KLF3: variants seen among roughly 807,000 people sequenced by gnomAD.
The protein encoded by KLF3 is Krueppel-like factor 3.
A neutral mutation model predicts 32.7 loss-of-function variants in KLF3; 6 were observed. The observed-to-expected ratio is 0.18, with a 90% CI of 0.10 to 0.36. The LOEUF (loss-of-function observed/expected upper bound fraction) is 0.36. Ranked by LOEUF, KLF3 falls within the 10% of genes least tolerant of loss-of-function variation. The pLI, the probability that KLF3 is intolerant of heterozygous loss-of-function variation, is 1.00. For missense variants in KLF3, 338 were observed against 449.7 expected (o/e 0.75, Z 2.25); for synonymous variants, 145 against 172.8 (o/e 0.84, Z 1.26).
chr4:38,672,183 C>T (rs767293963), intron 1 of KLF3, among the ~76,000 whole-genome samples: 2 of 152,186 alleles, frequency 1.3e-5, no homozygotes, highest in Middle Eastern at 3.2e-3. Flanking sequence ...ATTTCAAGTG[C>T]ATTCAGAGGG....
rs972921361 is a variant in KLF3, at chr4:38,700,389, A to G, written c.*3126A>G. On this transcript the variant is annotated 3_prime_UTR_variant, in exon 6 of 6. Transcript: ENST00000261438. ...TCCTGATTAGATTGTTGTAAAGACA[A>G]TCTGAAAGATCTAAGGTTTTAAAAT... is the stretch of plus-strand genomic sequence containing the variant. 1.3e-5 allele frequency: 2 copies of G among 152,230 alleles called. No homozygotes were observed. The highest frequency in any genetic ancestry group is 6.5e-5 in the Admixed American group (1 of 15,286). The allele number at this position is 152,230 out of a possible 1,614,324, so 9.4% of individuals were successfully genotyped here.
At position 38,700,276 on chromosome 4, in the gene KLF3, TTTA is replaced by T. The variant is rs1168673828; in HGVS notation, c.*3017_*3019del. On this transcript the variant is annotated 3_prime_UTR_variant, in exon 6 of 6. Coordinates refer to ENST00000261438, the MANE Select transcript of KLF3 (RefSeq NM_016531.6). ...GGGAACTATATATGTATATGTATATTTTATTAAACACCCATCTGCACTATCAGT... is the reference window on the plus strand; with the variant it reads ...GGGAACTATATATGTATATGTATATTTTAAACACCCATCTGCACTATCAGT... The T allele has an allele frequency of 3.3e-5, 5 of 152,214 alleles. No homozygotes were observed. The highest frequency in any genetic ancestry group is 1.2e-4 in the African/African-American group (5 of 41,454). 9.4% of individuals were successfully genotyped at this position (152,214 alleles called of 1,614,324 possible).
intron 2 of KLF3, among the ~76,000 whole-genome samples, chr4:38,684,479 C>T (rs371664864): frequency 9.3e-5 from 14 of 149,862 alleles, no homozygotes; most frequent in South Asian, 2.1e-4. Flanking sequence ...ATGTTACAGA[C>T]GGAAATAACT....
At chr4:38,664,804 C>T (rs1239642832) in intron 1 of KLF3, 4 of 152,050 alleles carry the variant, frequency 2.6e-5, no homozygotes, top group South Asian at 2.1e-4. Flanking sequence ...CTGTGTGGTC[C>T]CCGGCCTCCT....
At chr4:38,672,248 C>G (rs1722217898) in intron 1 of KLF3, among the ~76,000 whole-genome samples, 1 of 152,188 alleles carries the variant, frequency 6.6e-6, no homozygotes, top group Non-Finnish European at 1.5e-5. Flanking sequence ...TATGTTAGCT[C>G]CTTAGGCTTG....
At chr4:38,693,814 C>G (rs1172657563) in intron 4 of KLF3, among the ~76,000 whole-genome samples, 1 of 152,154 alleles carries the variant, frequency 6.6e-6, no homozygotes, top group Admixed American at 6.5e-5. Context: ...GCCTGAGGAA[C>G]TTAACAGACT....
intron 1 of KLF3, among the ~76,000 whole-genome samples, chr4:38,676,956 G>GTTTT (rs34392158): frequency 2.0e-4 from 21 of 105,482 alleles, no homozygotes; most frequent in Non-Finnish European, 2.6e-4. Flanking sequence ...GTGCCAGTGT[G>GTTTT]TTTTTTTTTT....
intron 1 of KLF3, among the ~76,000 whole-genome samples, chr4:38,668,302 G>T (rs1487672398): frequency 6.6e-6 from 1 of 151,586 alleles, no homozygotes; most frequent in East Asian, 1.9e-4. Flanking sequence ...AAAAGTTTTG[G>T]AAAGTGCTTT....
Position 38,699,798 on chromosome 4 carries a change from G to A in KLF3, c.*2535G>A, listed in dbSNP as rs1056106976. 4 of 152,074 alleles carry A rather than the reference G, an allele frequency of 2.6e-5. No homozygotes were observed. Among genetic ancestry groups the A allele is most frequent in the African/African-American group, 9.7e-5 (4 of 41,390 alleles). 9.4% of individuals were successfully genotyped at this position (152,074 alleles called of 1,614,324 possible). A position where few individuals can be genotyped will look rare whatever the true frequency, so the allele number is the denominator to read the frequency against. ...GTCAATACGCTTTCATTACCAATTG[G>A]CCCTTACCAAACTTTTCTTATATAT... On this transcript the variant is annotated 3_prime_UTR_variant, in exon 6 of 6. Coordinates refer to ENST00000261438, the MANE Select transcript of KLF3 (RefSeq NM_016531.6).
intron 1 of KLF3, among the ~76,000 whole-genome samples, chr4:38,667,388 A>G (rs887121804): frequency 3.3e-5 from 5 of 152,188 alleles, no homozygotes; most frequent in Non-Finnish European, 5.9e-5. Flanking sequence ...CCCTGCCCCT[A>G]AACTCCGTAT....
At chr4:38,679,189 C>G (rs1722444141) in intron 1 of KLF3, among the ~76,000 whole-genome samples, 1 of 152,158 alleles carries the variant, frequency 6.6e-6, no homozygotes, top group Non-Finnish European at 1.5e-5. Context: ...AGCTAATATT[C>G]TTCATATGTG....
At chr4:38,682,376 C>T (rs1370923517) in intron 2 of KLF3, among the ~76,000 whole-genome samples, 3 of 152,120 alleles carry the variant, frequency 2.0e-5, no homozygotes, top group African/African-American at 7.2e-5. Context: ...TAAATTACTT[C>T]GAATGTTATT....
rs1393104071 is a variant in KLF3, at chr4:38,671,159, A to C, written c.-40+6698A>C. On this transcript the variant is annotated intron_variant, in intron 1 of 5. Coordinates refer to ENST00000261438, the MANE Select transcript of KLF3 (RefSeq NM_016531.6). The surrounding 1 kb of genome is among the most constrained non-coding windows in gnomAD (Gnocchi z 4.4). Reference sequence around the variant, plus strand: ...AAAGTGCCCGGGTCTGCAGGCAGACACGCTTCTGTTCCTGGCTGCAGCTCC... The same window carrying C: ...AAAGTGCCCGGGTCTGCAGGCAGACCCGCTTCTGTTCCTGGCTGCAGCTCC... 6.6e-6 allele frequency among the ~76,000 whole-genome samples: 1 copy of C among 152,176 alleles called. No homozygotes were observed. Among genetic ancestry groups the C allele is most frequent in the Non-Finnish European group, 1.5e-5 (1 of 68,028 alleles).
chr4:38,689,987 C>A, intron 4 of KLF3, 108 bp downstream of exon 4: 2 of 1,162,246 alleles, frequency 1.7e-6, no homozygotes, highest in Non-Finnish European at 2.4e-6. Context: ...TGACCAGGAA[C>A]GGCTTGTGAT....
chr4:38,685,025 A>T (rs1426162305), intron 2 of KLF3, among the ~76,000 whole-genome samples: 1 of 152,122 alleles, frequency 6.6e-6, no homozygotes, highest in Non-Finnish European at 1.5e-5. Flanking sequence ...CCAGAGGCAC[A>T]TTTTTTGCTT....
intron 1 of KLF3, chr4:38,664,934 G>C (rs1209318262): frequency 7.0e-6 from 1 of 142,616 alleles, no homozygotes; most frequent in Non-Finnish European, 1.6e-5. Context: ...CCCTCCCGGT[G>C]CCCCCCCACC....
chr4:38,679,706 C>G (rs1481994455), intron 1 of KLF3, among the ~76,000 whole-genome samples: 2 of 152,150 alleles, frequency 1.3e-5, no homozygotes, highest in East Asian at 3.8e-4. Context: ...CAGAACCATA[C>G]TTGGTGCAGA....
At chr4:38,684,947 C>G (rs1722647516) in intron 2 of KLF3, among the ~76,000 whole-genome samples, 1 of 152,200 alleles carries the variant, frequency 6.6e-6, no homozygotes, top group East Asian at 1.9e-4. Flanking sequence ...TTGGACTGCT[C>G]TGTTCCAGGA....
chr4:38,692,468 A>G (rs1722902662), intron 4 of KLF3, among the ~76,000 whole-genome samples: 1 of 152,210 alleles, frequency 6.6e-6, no homozygotes, highest in Admixed American at 6.5e-5. Context: ...TTACAAATAG[A>G]CTATTTTGAA....
Sources: gnomAD v4.1 joint callset for allele counts (sites outside exome capture counted in the v4.1 genomes callset) on GRCh38, gnomAD v4.1.1 for gene constraint, Gnocchi (gnomAD v3.1) non-coding constraint, MANE v1.5 for transcripts, NCBI Gene and HGNC (gene_info 2026-07-23, HGNC 2026-07-21) for gene names.